DAB1: variants seen among roughly 807,000 people sequenced by gnomAD.
The protein encoded by DAB1 is DAB adaptor protein 1, also known as disabled homolog 1.
Under a neutral mutation model 64.6 loss-of-function variants are expected in DAB1, and 15 were observed. That is an observed-to-expected ratio of 0.23 (90% confidence interval 0.16 to 0.36). The LOEUF (loss-of-function observed/expected upper bound fraction) is 0.36, where lower values mean the gene tolerates loss of function less well. DAB1 is among the 10% of genes least tolerant of loss of function. The pLI is 1.00. For synonymous variants in DAB1, 235 were observed against 251.9 expected, an observed-to-expected ratio of 0.93 and a Z score of 0.64; for missense variants, 596 against 706.7, an observed-to-expected ratio of 0.84 and a Z score of 1.78.
chr1:57,291,877 T>C (rs1462485102), intron 1 of DAB1, among the ~76,000 whole-genome samples: 3 of 152,170 alleles, frequency 2.0e-5, no homozygotes, highest in African/African-American at 7.2e-5. Flanking sequence ...ATAATGATAA[T>C]ACAACCACTT....
Position 57,603,035 on chromosome 1 carries a change from C to G in DAB1, n.625+46557G>C, listed in dbSNP as rs189798817. Among the ~76,000 whole-genome samples the G allele has an allele frequency of 1.6e-3, 241 of 152,292 alleles. 8 individuals carry two copies. The South Asian group carries it at 0.049, about 31-fold the overall frequency. ...TAGCCCAGGCTGGAGTGCAATGGCA[C>G]GATCTCGGCTCACTGCAACTTCCGC... On this transcript the variant is annotated intron_variant and non_coding_transcript_variant, in intron 7 of 20. Coordinates refer to the DAB1 transcript ENST00000485760.
chr1:57,288,569 C>A (rs760569515), intron 2 of DAB1, among the ~76,000 whole-genome samples: 5 of 152,144 alleles, frequency 3.3e-5, no homozygotes, highest in Non-Finnish European at 7.3e-5. Flanking sequence ...AGGAAGAGAG[C>A]CCTCACCAGG....
intron 7 of DAB1, among the ~76,000 whole-genome samples, chr1:57,439,418 G>GTTTTTTTTTTTTTTTTTTTTTTTGTT: frequency 3.4e-5 from 4 of 116,158 alleles, no homozygotes; most frequent in South Asian, 3.2e-4. Context: ...TGGTGATGAG[G>GTTTTTTTTTTTTTTTTTTTTTTTGTT]TTTTTTCTTT....
At chr1:58,393,135 T>A (rs964597963) in intron 3 of DAB1, among the ~76,000 whole-genome samples, 1 of 150,538 alleles carries the variant, frequency 6.6e-6, no homozygotes, top group Non-Finnish European at 1.5e-5. Context: ...TTTTTTTTTT[T>A]TTTTTTTTAT....
chr1:57,426,169 C>T (rs1401547487), upstream of DAB1, among the ~76,000 whole-genome samples: 2 of 152,192 alleles, frequency 1.3e-5, no homozygotes, highest in East Asian at 3.8e-4. Flanking sequence ...AACCTGCCGC[C>T]TTCACCCACC....
At chr1:58,159,333 T>C (rs552067840) in intron 4 of DAB1, among the ~76,000 whole-genome samples, 2 of 152,278 alleles carry the variant, frequency 1.3e-5, no homozygotes, top group South Asian at 4.1e-4. Flanking sequence ...ATGAATCCCA[T>C]CGAGTTTATC....
intron 5 of DAB1, among the ~76,000 whole-genome samples, chr1:57,986,889 T>C (rs1570172033): frequency 6.6e-6 from 1 of 152,332 alleles, no homozygotes; most frequent in East Asian, 1.9e-4. Context: ...ATTCGTTGTC[T>C]TATTTCTCAC....
intron 7 of DAB1, among the ~76,000 whole-genome samples, chr1:57,515,154 CA>C (rs1644449184): frequency 6.7e-6 from 1 of 150,022 alleles, no homozygotes; most frequent in Non-Finnish European, 1.5e-5. Flanking sequence ...AAAGGCAAAG[CA>C]AAAAACAGCT....
chr1:57,979,949 G>C (rs1227594983), intron 5 of DAB1, among the ~76,000 whole-genome samples: 1 of 152,024 alleles, frequency 6.6e-6, no homozygotes, highest in African/African-American at 2.4e-5. Flanking sequence ...AAAAAGAAAG[G>C]ACTTGTTCAT....
intron 5 of DAB1, among the ~76,000 whole-genome samples, chr1:58,121,682 T>C (rs1421764193): frequency 6.6e-6 from 1 of 152,238 alleles, no homozygotes; most frequent in African/African-American, 2.4e-5. Context: ...CTACCATTGT[T>C]AACTTTCTGT....
chr1:57,296,636 T>C (rs76540545), intron 1 of DAB1, among the ~76,000 whole-genome samples: 7,611 of 152,190 alleles, frequency 0.05, 646 homozygotes, highest in African/African-American at 0.18. Flanking sequence ...ATGATTTAAA[T>C]ACCGATATAA....
chr1:58,093,025 T>C (rs1650762429), intron 5 of DAB1, among the ~76,000 whole-genome samples: 1 of 152,202 alleles, frequency 6.6e-6, no homozygotes, highest in South Asian at 2.1e-4. Context: ...TAAACACTTT[T>C]AGAGTGCCAC....
At chr1:58,199,918 C>G (rs902887912) in intron 4 of DAB1, among the ~76,000 whole-genome samples, 1 of 152,324 alleles carries the variant, frequency 6.6e-6, no homozygotes, top group East Asian at 1.9e-4. Context: ...CTGTCCTCCT[C>G]TAAGCCCTAG....
chr1:58,283,930 C>G (rs490671), intron 4 of DAB1, among the ~76,000 whole-genome samples: 140,330 of 152,268 alleles, frequency 0.92, 64,669 homozygotes, highest in South Asian at 0.95. Context: ...GCTCAGTGTA[C>G]GTGTTTAATA....
At chr1:57,580,562 A>G (rs1000029212) in intron 7 of DAB1, among the ~76,000 whole-genome samples, 1 of 152,026 alleles carries the variant, frequency 6.6e-6, no homozygotes, top group Non-Finnish European at 1.5e-5. Flanking sequence ...GCAGGTCTTT[A>G]TTTAACAGGA....
At chr1:57,160,749 A>C (rs1660666548) in intron 2 of DAB1, among the ~76,000 whole-genome samples, 1 of 152,214 alleles carries the variant, frequency 6.6e-6, no homozygotes, top group Admixed American at 6.5e-5. Context: ...TTCTTGGTCA[A>C]GAGCAAGTCA....
chr1:57,641,681 C>T (rs1646132544), intron 7 of DAB1, among the ~76,000 whole-genome samples: 1 of 151,878 alleles, frequency 6.6e-6, no homozygotes, highest in Admixed American at 6.6e-5. Flanking sequence ...ATTCAGTAAC[C>T]CCAGCGTAAT....
chr1:57,406,702 G>T (rs1215833460), intron 1 of DAB1, among the ~76,000 whole-genome samples: 1 of 152,192 alleles, frequency 6.6e-6, no homozygotes, highest in East Asian at 1.9e-4. Context: ...ATGCAAAGAT[G>T]CCAGTGTCCA....
At chr1:57,023,081 A>G (rs1325456271) in intron 11 of DAB1, among the ~76,000 whole-genome samples, 1 of 152,222 alleles carries the variant, frequency 6.6e-6, no homozygotes, top group African/African-American at 2.4e-5. Context: ...GGTGCTCCCC[A>G]CTTTGTCTGG....
Sources: gnomAD v4.1 joint callset for allele counts (sites outside exome capture counted in the v4.1 genomes callset) on GRCh38, gnomAD v4.1.1 for gene constraint, MANE v1.5 for transcripts, NCBI Gene and HGNC (gene_info 2026-07-23, HGNC 2026-07-21) for gene names.